INSR: variants seen among roughly 807,000 people sequenced by gnomAD.
INSR encodes the protein IR.
Under a neutral mutation model 142.6 loss-of-function variants are expected in INSR, and 67 were observed. That is an observed-to-expected ratio of 0.47 (90% confidence interval 0.39 to 0.58). INSR has a LOEUF of 0.58. INSR is among the 20% of genes least tolerant of loss of function. INSR has a pLI of 0.00. For synonymous variants in INSR, 756 were observed against 743.1 expected, an observed-to-expected ratio of 1.02 and a Z score of -0.28; for missense variants, 1,248 against 1,833.2, an observed-to-expected ratio of 0.68 and a Z score of 5.83.
intron 2 of INSR, among the ~76,000 whole-genome samples, chr19:7,201,751 C>T (rs559342822): frequency 2.7e-5 from 4 of 146,222 alleles, no homozygotes; most frequent in African/African-American, 5.2e-5. Flanking sequence ...CAAGCTCCCC[C>T]TCCCGGGTTC....
intron 2 of INSR, among the ~76,000 whole-genome samples, chr19:7,250,450 A>G (rs1246069735): frequency 4.7e-5 from 4 of 85,088 alleles, no homozygotes; most frequent in African/African-American, 1.3e-4. Flanking sequence ...AGAAAGAAGA[A>G]AGAAAAGGAA....
chr19:7,117,974 A>T (rs1972379220), intron 21 of INSR, among the ~76,000 whole-genome samples: 1 of 150,916 alleles, frequency 6.6e-6, no homozygotes, highest in Non-Finnish European at 1.5e-5. Flanking sequence ...TGGCGCAATC[A>T]TAGCTCATTG....
chr19:7,137,270 A>T (rs1239264800), intron 13 of INSR, among the ~76,000 whole-genome samples: 1 of 120,358 alleles, frequency 8.3e-6, no homozygotes, highest in South Asian at 2.3e-4. Context: ...TCTAAATTAA[A>T]AAAAAAAAAA....
intron 1 of INSR, among the ~76,000 whole-genome samples, chr19:7,270,335 TCTCTCACA>T (rs1482933241): frequency 0.021 from 1,769 of 83,110 alleles, 35 homozygotes; most frequent in African/African-American, 0.066. Context: ...TCTCTCTCTC[TCTCTCACA>T]CACACACACA....
At chr19:7,201,561 G>T (rs530718266) in intron 2 of INSR, among the ~76,000 whole-genome samples, 86 of 151,752 alleles carry the variant, frequency 5.7e-4, no homozygotes, top group African/African-American at 1.9e-3. Flanking sequence ...GGAGGCAGAG[G>T]TTACAGTGAG....
At chr19:7,134,968 T>C (rs986151189) in intron 13 of INSR, among the ~76,000 whole-genome samples, 1 of 69,284 alleles carries the variant, frequency 1.4e-5, no homozygotes, top group African/African-American at 5.9e-5. Context: ...CCATGAAACC[T>C]GCAAGCATCG....
Position 7,221,925 on chromosome 19 carries a change from G to C in INSR, c.653-37288C>G, listed in dbSNP as rs1298255664. Reference sequence around the variant, plus strand: ...AAGTACAATTATACAGCAGGCTTGGGGTTCTGAAGCAGCTGGGAAGATCCA... The same window carrying C: ...AAGTACAATTATACAGCAGGCTTGGCGTTCTGAAGCAGCTGGGAAGATCCA... On this transcript the variant is annotated intron_variant, in intron 2 of 21. Coordinates refer to ENST00000302850, the MANE Select transcript of INSR (RefSeq NM_000208.4). Among the ~76,000 whole-genome samples, 8 of 151,992 alleles carry C rather than the reference G, an allele frequency of 5.3e-5. No individual in the cohort carries two copies. The East Asian group carries it at 1.6e-3, about 30-fold the overall frequency.
intron 2 of INSR, among the ~76,000 whole-genome samples, chr19:7,236,944 A>G (rs28786231): frequency 0.23 from 34,806 of 150,520 alleles, 4,856 homozygotes; most frequent in African/African-American, 0.39. Flanking sequence ...GGAGAATGGC[A>G]TGAACCCAGG....
At chr19:7,172,211 C>A in intron 5 of INSR, 79 bp downstream of exon 5, 2 of 1,558,814 alleles carry the variant, frequency 1.3e-6, no homozygotes, top group African/African-American at 1.4e-5. Context: ...CACACCTGGC[C>A]AAAAAAATCC....
chr19:7,235,070 T>TAAA (rs1976115878), intron 2 of INSR, among the ~76,000 whole-genome samples: 2 of 151,254 alleles, frequency 1.3e-5, no homozygotes, highest in South Asian at 4.2e-4. Context: ...AAAATAATAA[T>TAAA]AATAATAATA....
chr19:7,117,110 G>T lies in INSR; in HGVS notation c.4095C>A (p.Asn1365Lys). 5 of 1,614,094 alleles carry T rather than the reference G, an allele frequency of 3.1e-6. No individual in the cohort carries two copies. The highest frequency in any genetic ancestry group is 4.2e-6 in the Non-Finnish European group (5 of 1,180,018). Residue 1365 changes from asparagine (N) to lysine (K), a missense_variant, in exon 22 of 22, where the codon AAC (asparagine) becomes AAA (lysine). Asn to Lys is a moderately conservative substitution (Grantham distance 94). Around this residue, in one of 3 missense-constraint regions of INSR, gnomAD observed 122 missense variants for 129.8 expected, o/e 0.94. Transcript: ENST00000302850. Reference sequence around the variant, plus strand: ...GAATCCGCCCGTTTTTCTTGCCTCCGTTCATGTGTGTGTAAGGGATGTGTT... The same window carrying T: ...GAATCCGCCCGTTTTTCTTGCCTCCTTTCATGTGTGTGTAAGGGATGTGTT... ...YEEHIPYTHM[N>K]GGKKNGRILT...
intron 1 of INSR, among the ~76,000 whole-genome samples, chr19:7,279,857 C>T (rs557095166): frequency 6.6e-6 from 1 of 152,012 alleles, no homozygotes; most frequent in Non-Finnish European, 1.5e-5. Context: ...CACCTGTAGT[C>T]CCAGCTACTC....
chr19:7,226,057 G>C (rs1029895856), intron 2 of INSR, among the ~76,000 whole-genome samples: 1 of 152,182 alleles, frequency 6.6e-6, no homozygotes, highest in African/African-American at 2.4e-5. Flanking sequence ...ACAAGGTTAG[G>C]GGGAAGTCTC....
rs561949770 is a variant in INSR at position 7,115,246 on chromosome 19, T to C, written c.*1810A>G. ...TAACGCATGGGCGATGATTTTTTGATGAACCAAAGTGATGAGTTCACTGTG... is the reference window on the plus strand; with the variant it reads ...TAACGCATGGGCGATGATTTTTTGACGAACCAAAGTGATGAGTTCACTGTG... On this transcript the variant is annotated 3_prime_UTR_variant, in exon 22 of 22. Coordinates refer to ENST00000302850, the MANE Select transcript of INSR (RefSeq NM_000208.4). 6.6e-6 allele frequency: 1 copy of C among 152,390 alleles called. No individual in the cohort carries two copies. 9.4% of individuals were successfully genotyped at this position (152,390 alleles called of 1,614,324 possible).
At chr19:7,133,543 C>T (rs1173715737) in intron 13 of INSR, among the ~76,000 whole-genome samples, 2 of 152,172 alleles carry the variant, frequency 1.3e-5, no homozygotes, top group Non-Finnish European at 2.9e-5. Context: ...CACGTCTCTC[C>T]TTGTTTTTCC....
At chr19:7,123,123 G>A in intron 17 of INSR, 134 bp from the exon 18 acceptor site, 1 of 706,656 alleles carries the variant, frequency 1.4e-6, no homozygotes, top group Non-Finnish European at 2.5e-6. Context: ...CCTGGTCTAG[G>A]AGAGCAGACA....
At chr19:7,139,120 G>A (rs1294289822) in intron 13 of INSR, among the ~76,000 whole-genome samples, 1 of 152,174 alleles carries the variant, frequency 6.6e-6, no homozygotes, top group Non-Finnish European at 1.5e-5. Context: ...TGGGCAGTGA[G>A]AGAACACATG....
chr19:7,281,032 C>T (rs2145236880), intron 1 of INSR, among the ~76,000 whole-genome samples: 1 of 152,308 alleles, frequency 6.6e-6, no homozygotes, highest in Non-Finnish European at 1.5e-5. Context: ...TGTCTGACTC[C>T]TCTAGTCTAT....
intron 3 of INSR, among the ~76,000 whole-genome samples, chr19:7,180,965 G>C (rs938678874): frequency 2.5e-4 from 38 of 152,084 alleles, no homozygotes; most frequent in African/African-American, 9.2e-4. Flanking sequence ...TTTTGAGACA[G>C]AGTCTCACTC....
Sources: allele counts gnomAD v4.1 joint callset (sites outside exome capture counted in the v4.1 genomes callset), GRCh38; gene constraint gnomAD v4.1.1; regional missense constraint gnomAD v4.1.1; transcripts MANE v1.5; gene names NCBI Gene and HGNC (gene_info 2026-07-23, HGNC 2026-07-21).